ADAMTSL3: variants seen among roughly 807,000 people sequenced by gnomAD.
ADAMTSL3 encodes ADAMTS like 3.
ADAMTSL3 carries 128 observed loss-of-function variants against 201.7 expected under a neutral mutation model. The ratio of observed to expected loss-of-function variants is 0.63; its 90% CI spans 0.55 to 0.73. The LOEUF is 0.73. ADAMTSL3 is among the 30% of genes least tolerant of loss of function. The probability of loss-of-function intolerance (pLI) is 0.00; values close to 1 mark genes in which losing one functional copy is unlikely to be tolerated. For synonymous variants in ADAMTSL3, 738 were observed against 748.4 expected (o/e 0.99, Z 0.23); for missense variants, 1,990 against 2,119.6 (o/e 0.94, Z 1.20).
At chr15:83,990,933 G>A (rs1423136093) in intron 22 of ADAMTSL3, among the ~76,000 whole-genome samples, 153 bp from the exon 23 acceptor site, 1 of 152,104 alleles carries the variant, frequency 6.6e-6, no homozygotes, top group Admixed American at 6.5e-5. Flanking sequence ...GTATGTATGT[G>A]CACATCCCCA....
intron 20 of ADAMTSL3, among the ~76,000 whole-genome samples, chr15:83,980,138 G>A (rs987384106): frequency 6.6e-6 from 1 of 152,072 alleles, no homozygotes; most frequent in Non-Finnish European, 1.5e-5. Context: ...GCACATACCA[G>A]TATGGACATG....
chr15:83,700,046 G>A (rs572895423), intron 2 of ADAMTSL3, among the ~76,000 whole-genome samples: 3 of 151,994 alleles, frequency 2.0e-5, no homozygotes, highest in Admixed American at 6.5e-5. Context: ...GATCTTTTTT[G>A]TTCCTCATTG....
At chr15:83,822,897 T>G (rs1209561366) in intron 6 of ADAMTSL3, among the ~76,000 whole-genome samples, 1 of 151,978 alleles carries the variant, frequency 6.6e-6, no homozygotes, top group Non-Finnish European at 1.5e-5. Flanking sequence ...CACTCCAGCC[T>G]GGGCACCATT....
intron 3 of ADAMTSL3, among the ~76,000 whole-genome samples, chr15:83,755,807 G>T (rs1050082742): frequency 6.6e-6 from 1 of 151,562 alleles, no homozygotes; most frequent in Non-Finnish European, 1.5e-5. Context: ...AGGCTGGAGT[G>T]CAGTGGCATG....
intron 19 of ADAMTSL3, among the ~76,000 whole-genome samples, chr15:83,955,246 C>T (rs563806124): frequency 2.6e-5 from 4 of 152,278 alleles, no homozygotes; most frequent in Non-Finnish European, 5.9e-5. Context: ...AAATCCTTCC[C>T]CCTCTTCCCT....
intron 2 of ADAMTSL3, among the ~76,000 whole-genome samples, chr15:83,675,507 T>C (rs952963943): frequency 6.6e-6 from 1 of 152,018 alleles, no homozygotes; most frequent in Admixed American, 6.5e-5. Context: ...TTTTTATATA[T>C]ATTGCTGAAT....
intron 17 of ADAMTSL3, among the ~76,000 whole-genome samples, chr15:83,932,154 A>T (rs375804362): frequency 6.6e-6 from 1 of 152,242 alleles, no homozygotes; most frequent in African/African-American, 2.4e-5. Context: ...AGGGAATATC[A>T]TGATCACCAT....
chr15:83,944,416 G>A (rs1165924017), intron 19 of ADAMTSL3, among the ~76,000 whole-genome samples: 7 of 152,164 alleles, frequency 4.6e-5, no homozygotes, highest in Admixed American at 4.6e-4. Flanking sequence ...TCTTCTTGGA[G>A]TGGAGACCCA....
At chr15:84,007,578 C>A (rs900746100) in intron 23 of ADAMTSL3, among the ~76,000 whole-genome samples, 1 of 145,278 alleles carries the variant, frequency 6.9e-6, no homozygotes, top group Non-Finnish European at 1.6e-5. Context: ...AAATCCATCT[C>A]TCTCTGGCTC....
intron 9 of ADAMTSL3, among the ~76,000 whole-genome samples, chr15:83,876,484 A>G (rs903253432): frequency 6.6e-6 from 1 of 152,086 alleles, no homozygotes. Context: ...CAGTTTGCCT[A>G]TACAGAAGTT....
At chr15:83,924,073 G>T (rs1485069895) in intron 17 of ADAMTSL3, 40 bp downstream of exon 17, 1 of 1,608,394 alleles carries the variant, frequency 6.2e-7, no homozygotes, top group Admixed American at 1.7e-5. Context: ...ACCGTGTCCG[G>T]GTGGTAACAC....
At chr15:83,851,197 G>A (rs1191789968) in intron 7 of ADAMTSL3, among the ~76,000 whole-genome samples, 1 of 152,184 alleles carries the variant, frequency 6.6e-6, no homozygotes, top group Non-Finnish European at 1.5e-5. Context: ...TTAGTGGAGG[G>A]TTACAGAAAT....
At chr15:83,804,585 T>TG (rs2063574315) in intron 4 of ADAMTSL3, 65 bp from the exon 5 acceptor site, 1 of 1,096,536 alleles carries the variant, frequency 9.1e-7, no homozygotes. Flanking sequence ...TTTTTTTTTT[T>TG]TTTTTAATGC....
intron 3 of ADAMTSL3, among the ~76,000 whole-genome samples, chr15:83,744,393 G>A (rs79747233): frequency 5.3e-5 from 8 of 152,012 alleles, no homozygotes; most frequent in Non-Finnish European, 1.5e-5. Context: ...ATCTCCATTA[G>A]CTAAAATGAG....
intron 5 of ADAMTSL3, among the ~76,000 whole-genome samples, chr15:83,816,477 A>G (rs920083015): frequency 3.9e-5 from 6 of 152,220 alleles, no homozygotes; most frequent in African/African-American, 1.4e-4. Flanking sequence ...TTTATGTTTA[A>G]GGGAGTCGAG....
chr15:83,936,870 C>A (rs986920256), intron 17 of ADAMTSL3, among the ~76,000 whole-genome samples: 2 of 150,784 alleles, frequency 1.3e-5, no homozygotes, highest in Admixed American at 1.3e-4. Context: ...CAGACACTTT[C>A]CAAAAGAAGA....
chr15:84,008,390 AGGCCCCGT>A (rs1475636947), intron 23 of ADAMTSL3, among the ~76,000 whole-genome samples: 18 of 152,318 alleles, frequency 1.2e-4, no homozygotes, highest in African/African-American at 4.3e-4. Context: ...CCACCACACC[AGGCCCCGT>A]GGTGAGTTCT....
intron 3 of ADAMTSL3, among the ~76,000 whole-genome samples, chr15:83,769,283 G>A (rs570325923): frequency 6.6e-6 from 1 of 152,110 alleles, no homozygotes; most frequent in Non-Finnish European, 1.5e-5. Context: ...TTGGTATATC[G>A]AGTGACAAAA....
chr15:83,903,930 A>G lies in ADAMTSL3; in HGVS notation c.1700+4199A>G, dbSNP rs1434027295. Among the ~76,000 whole-genome samples the G allele has an allele frequency of 6.8e-3, 184 of 27,192 alleles. 14 individuals are homozygous for G. Among genetic ancestry groups the G allele is most frequent in the African/African-American group, 0.025 (67 of 2,686 alleles). 17.8% of individuals were successfully genotyped at this position (27,192 alleles called of 152,430 possible). A position where few individuals can be genotyped will look rare whatever the true frequency, so the allele number is the denominator to read the frequency against. On this transcript the variant is annotated intron_variant, in intron 15 of 29. Transcript: ENST00000286744. Reference sequence around the variant, plus strand: ...CAGACTCCACATCAAAAAAAAAAAAAAAAAAAAAAAAAAAGAAAAAAGAAA... The same window carrying G: ...CAGACTCCACATCAAAAAAAAAAAAGAAAAAAAAAAAAAAGAAAAAAGAAA...
Sources: gnomAD v4.1 joint callset for allele counts (sites outside exome capture counted in the v4.1 genomes callset) on GRCh38, gnomAD v4.1.1 for gene constraint, MANE v1.5 for transcripts, NCBI Gene and HGNC (gene_info 2026-07-23, HGNC 2026-07-21) for gene names.